MAP2K2: variants seen among roughly 807,000 people sequenced by gnomAD.
The protein encoded by MAP2K2 is dual specificity mitogen-activated protein kinase kinase 2.
MAP2K2 carries 24 observed loss-of-function variants against 43.7 expected under a neutral mutation model. That is an observed-to-expected ratio of 0.55 (90% CI 0.40 to 0.77). The LOEUF (loss-of-function observed/expected upper bound fraction) is 0.77. Among genes scored for constraint, MAP2K2 ranks in the 30% least tolerant of loss-of-function variants. The probability of loss-of-function intolerance (pLI) is 0.00; values close to 1 mark genes in which losing one functional copy is unlikely to be tolerated. For missense variants in MAP2K2, 470 were observed against 566.8 expected (o/e 0.83, Z 1.73); for synonymous variants, 244 against 239.7 (o/e 1.02, Z -0.17).
chr19:4,110,430 C>T (rs933300369), intron 3 of MAP2K2, 79 bp downstream of exon 3: 84 of 1,569,898 alleles, frequency 5.4e-5, no homozygotes, highest in Non-Finnish European at 6.8e-5. Flanking sequence ...GGAAAGGGGC[C>T]GTGAGGGGGT....
At chr19:4,104,134 G>A (rs2041053679) in intron 3 of MAP2K2, among the ~76,000 whole-genome samples, 1 of 151,858 alleles carries the variant, frequency 6.6e-6, no homozygotes, top group Admixed American at 6.6e-5. Flanking sequence ...GCGTGGTGGT[G>A]GATGCCTGTA....
chr19:4,101,370 CT>C lies in MAP2K2; in HGVS notation c.529-91del, dbSNP rs2041008710. On this transcript the variant is annotated intron_variant, in intron 4 of 10. Coordinates refer to ENST00000262948, the MANE Select transcript of MAP2K2 (RefSeq NM_030662.4). This position sits in a 1 kb window ranked among gnomAD's most constrained non-coding sequence, Gnocchi z 6.3. ...GGGGGTCAGAGCTGAGCAGTCAGAG[CT>C]GGAGCGAGGGAGCTGCGGCAGGAAC... The C allele has an allele frequency of 7.0e-7, 1 of 1,418,878 alleles. No homozygotes were observed. The highest frequency in any genetic ancestry group is 9.7e-7 in the Non-Finnish European group (1 of 1,028,002). 87.9% of individuals were successfully genotyped at this position (1,418,878 alleles called of 1,614,324 possible).
At chr19:4,117,945 C>T (rs1041304064) in intron 1 of MAP2K2, among the ~76,000 whole-genome samples, 3 of 149,336 alleles carry the variant, frequency 2.0e-5, no homozygotes, top group Non-Finnish European at 3.0e-5. Context: ...TTTTCTTTTT[C>T]TTTTTTTTTT....
chr19:4,101,032 C>T lies in MAP2K2; in HGVS notation c.692G>A (p.Arg231His), dbSNP rs730880511. 54 of 1,561,360 alleles carry T rather than the reference C, an allele frequency of 3.5e-5. No homozygotes were observed. Among genetic ancestry groups the T allele is most frequent in the Admixed American group, 7.7e-5 (4 of 52,044 alleles). ...GCGGGGACTCACAGCCATGTAGGAG[C>T]GCGTGCCCACGAAGGAGTTGGCCAT... is the stretch of plus-strand genomic sequence containing the variant. The part of the protein sequence containing the change: ...DSMANSFVGT[R>H]SYMAPERLQG... The change falls in exon 6 of 11, where the codon CGC (arginine) becomes CAC (histidine). Residue 231 changes from arginine to histidine, a missense_variant. By Grantham distance (29) the Arg-to-His change is conservative. Transcript: ENST00000262948. The surrounding 1 kb of genome is among the most constrained non-coding windows in gnomAD (Gnocchi z 6.3).
intron 9 of MAP2K2, 27 bp from the exon 10 acceptor site, chr19:4,094,525 G>C: frequency 6.4e-7 from 1 of 1,558,356 alleles, no homozygotes; most frequent in Non-Finnish European, 8.7e-7. Context: ...GCAGGACCGG[G>C]AGGCGGTGGA....
In MAP2K2 at chr19:4,099,192, A is replaced by C. The variant is rs1248982425; in HGVS notation, c.919+9T>G. On this transcript the variant is annotated intron_variant, in intron 7 of 10. Coordinates refer to ENST00000262948, the MANE Select transcript of MAP2K2 (RefSeq NM_030662.4). ...CGTCCAGACCGGAAGTTGCAGATTC[A>C]GGCCGTACCGCTGACGGGGCGCCCG... 6.3e-7 allele frequency: 1 copy of C among 1,594,934 alleles called. No homozygotes were observed. Among genetic ancestry groups the C allele is most frequent in the Admixed American group, 1.7e-5 (1 of 57,684 alleles).
chr19:4,110,749 G>A (rs1398406741), intron 2 of MAP2K2, 94 bp from the exon 3 acceptor site: 1 of 1,398,644 alleles, frequency 7.1e-7, no homozygotes, highest in South Asian at 1.3e-5. Flanking sequence ...TCCCAACAGT[G>A]GTCAAGACCA....
chr19:4,091,777 T>C (rs2040857947), intron 10 of MAP2K2, among the ~76,000 whole-genome samples: 1 of 152,170 alleles, frequency 6.6e-6, no homozygotes, highest in Non-Finnish European at 1.5e-5. Context: ...GCCTCCCAAG[T>C]AGCTGGGATT....
chr19:4,102,648 G>A (rs2041030944), intron 3 of MAP2K2, 195 bp from the exon 4 acceptor site: 1 of 947,402 alleles, frequency 1.1e-6, no homozygotes, highest in African/African-American at 1.6e-5. Context: ...CCACCCACAA[G>A]GTGGGGAAGG....
rs1459485944 is a variant in MAP2K2, at chr19:4,101,832, A to G, written c.528+544T>C. On this transcript the variant is annotated intron_variant, in intron 4 of 10. Transcript: ENST00000262948. The surrounding 1 kb of genome is among the most constrained non-coding windows in gnomAD (Gnocchi z 6.3). The stretch of plus-strand genomic sequence containing the variant: ...AGCATGCGTCCTGTGTCTTAATCCA[A>G]CACTGGTATGGGCAGGCGGGACTCG... Among the ~76,000 whole-genome samples the G allele has an allele frequency of 2.0e-5, 3 of 152,138 alleles. No individual in the cohort carries two copies. Among genetic ancestry groups the G allele is most frequent in the African/African-American group, 7.2e-5 (3 of 41,436 alleles).
intron 2 of MAP2K2, among the ~76,000 whole-genome samples, chr19:4,113,122 G>A (rs1179766690): frequency 1.3e-5 from 2 of 152,260 alleles, no homozygotes; most frequent in African/African-American, 4.8e-5. Flanking sequence ...GCGCGCGTTC[G>A]GCTGGCCGTC....
chr19:4,099,920 C>T (rs1055755684), intron 6 of MAP2K2: 4 of 189,306 alleles, frequency 2.1e-5, no homozygotes, highest in African/African-American at 7.0e-5. Flanking sequence ...GCCAATATGG[C>T]GAGACCCCAT....
intron 3 of MAP2K2, among the ~76,000 whole-genome samples, chr19:4,104,075 C>A (rs377506132): frequency 1.3e-5 from 2 of 151,742 alleles, no homozygotes; most frequent in East Asian, 3.9e-4. Flanking sequence ...ACCAGCCTGG[C>A]CAATATGGTA....
chr19:4,114,984 C>A (rs2041202245), intron 2 of MAP2K2, among the ~76,000 whole-genome samples: 1 of 152,052 alleles, frequency 6.6e-6, no homozygotes, highest in African/African-American at 2.4e-5. Flanking sequence ...GAAAGGAGCC[C>A]TTGCAGCCCT....
At position 4,123,764 on chromosome 19, in the gene MAP2K2, G is replaced by A. The variant is rs2145089660; in HGVS notation, c.92+20C>T. The A allele has an allele frequency of 1.3e-6, 2 of 1,524,376 alleles. No homozygotes were observed. Among genetic ancestry groups the A allele is most frequent in the East Asian group, 2.6e-5 (1 of 38,840 alleles). 94.4% of individuals were successfully genotyped at this position (1,524,376 alleles called of 1,614,324 possible). ...CTGCCCCGTGCACCCCAAGCCTCCG[G>A]CTGACCCCTGCCCACTCACTCGGAG... is the stretch of plus-strand genomic sequence containing the variant. On this transcript the variant is annotated intron_variant, in intron 1 of 10. Transcript: ENST00000262948.
At chr19:4,112,164 C>T (rs555923943) in intron 2 of MAP2K2, among the ~76,000 whole-genome samples, 15 of 152,300 alleles carry the variant, frequency 9.8e-5, no homozygotes, top group African/African-American at 3.4e-4. Flanking sequence ...TCCACTCATC[C>T]GCCACAGAGG....
At chr19:4,107,453 G>A (rs1271212188) in intron 3 of MAP2K2, among the ~76,000 whole-genome samples, 3 of 150,678 alleles carry the variant, frequency 2.0e-5, no homozygotes, top group Non-Finnish European at 4.4e-5. Context: ...GAACCTGGGA[G>A]GTGGAGCTTG....
rs2145055298 is a variant in MAP2K2 at position 4,101,288 on chromosome 19, G to C, written c.529-8C>G. 6.3e-7 allele frequency: 1 copy of C among 1,575,348 alleles called. No homozygotes were observed. The highest frequency in any genetic ancestry group is 2.3e-5 in the East Asian group (1 of 42,912). On this transcript the variant is annotated splice_polypyrimidine_tract_variant and splice_region_variant and intron_variant, in intron 4 of 10. Coordinates refer to ENST00000262948, the MANE Select transcript of MAP2K2 (RefSeq NM_030662.4). The surrounding 1 kb of genome is among the most constrained non-coding windows in gnomAD (Gnocchi z 6.3). ...CGCCAAGCCCCGGAGAACCTGCAGGGGAGCGCGGAGGGAGTCACGGGACAA... is the reference window on the plus strand; with the variant it reads ...CGCCAAGCCCCGGAGAACCTGCAGGCGAGCGCGGAGGGAGTCACGGGACAA...
chr19:4,102,353 A>C (rs779781027), intron 4 of MAP2K2, 23 bp downstream of exon 4: 2 of 1,574,460 alleles, frequency 1.3e-6, no homozygotes, highest in African/African-American at 2.7e-5. Context: ...TGGGGGCGCG[A>C]TGTGGGTCTG....
Sources: allele counts gnomAD v4.1 joint callset (sites outside exome capture counted in the v4.1 genomes callset), GRCh38; gene constraint gnomAD v4.1.1; non-coding constraint Gnocchi (gnomAD v3.1); transcripts MANE v1.5; gene names NCBI Gene and HGNC (gene_info 2026-07-23, HGNC 2026-07-21).